Variants in DTWD2 observed in about 807,000 individuals in gnomAD.
DTWD2 encodes the protein DTW motif tRNA-uridine aminocarboxypropyltransferase 2.
A neutral mutation model predicts 31.8 loss-of-function variants in DTWD2; 39 were observed. That is an observed-to-expected ratio of 1.22 (90% CI 0.95 to 1.60). DTWD2 has a LOEUF of 1.60. Ranked by LOEUF, DTWD2 falls within the 40% of genes most tolerant of loss-of-function variation. The pLI is 0.00. For missense variants in DTWD2, 515 were observed against 381.5 expected, an observed-to-expected ratio of 1.35 and a Z score of -2.92; for synonymous variants, 180 against 142.8, an observed-to-expected ratio of 1.26 and a Z score of -1.86.
intron 1 of DTWD2, among the ~76,000 whole-genome samples, chr5:118,946,897 T>C (rs1754350731): frequency 6.6e-6 from 1 of 152,150 alleles, no homozygotes; most frequent in African/African-American, 2.4e-5. Flanking sequence ...CACATCACCA[T>C]GTCCAGCTAA....
chr5:118,843,146 G>C (rs1010769242), intron 5 of DTWD2, among the ~76,000 whole-genome samples: 2 of 151,674 alleles, frequency 1.3e-5, no homozygotes, highest in South Asian at 2.1e-4. Context: ...TAGTAGAGAC[G>C]GGGTTTCACC....
rs75581751 is a variant in DTWD2, at chr5:118,910,945, G to C, written c.597+17592C>G. 9.5e-3 allele frequency among the ~76,000 whole-genome samples: 1,444 copies of C among 152,224 alleles called. 9 individuals are homozygous for C. The highest frequency in any genetic ancestry group is 0.024 in the Middle Eastern group (7 of 294). ...TTATAAGGGCACTAATCCAATTCAT[G>C]AAGGCAGAGGTCTCATGACCTAACC... is the stretch of plus-strand genomic sequence containing the variant. On this transcript the variant is annotated intron_variant, in intron 4 of 5. Transcript: ENST00000510708.
chr5:118,912,927 C>T (rs1561452742), intron 4 of DTWD2, among the ~76,000 whole-genome samples: 1 of 152,106 alleles, frequency 6.6e-6, no homozygotes, highest in Non-Finnish European at 1.5e-5. Context: ...ACTAAACATA[C>T]CAAAGCTATC....
chr5:118,954,940 T>G (rs1349182352), intron 1 of DTWD2, among the ~76,000 whole-genome samples: 1 of 152,230 alleles, frequency 6.6e-6, no homozygotes, highest in Non-Finnish European at 1.5e-5. Flanking sequence ...TTCTCCTTTA[T>G]GCCCTCTCTG....
At chr5:118,899,255 T>G (rs1406706070) in intron 4 of DTWD2, among the ~76,000 whole-genome samples, 1 of 152,258 alleles carries the variant, frequency 6.6e-6, no homozygotes, top group East Asian at 1.9e-4. Flanking sequence ...TCAGATAAGC[T>G]TAATTCAGAC....
At chr5:118,857,844 G>C (rs1752174091) in intron 4 of DTWD2, among the ~76,000 whole-genome samples, 1 of 152,156 alleles carries the variant, frequency 6.6e-6, no homozygotes, top group Non-Finnish European at 1.5e-5. Flanking sequence ...GCAGAGAATA[G>C]GTAGCTCTAG....
intron 3 of DTWD2, among the ~76,000 whole-genome samples, chr5:118,929,555 C>T (rs1753879027): frequency 6.6e-6 from 1 of 151,804 alleles, no homozygotes; most frequent in African/African-American, 2.4e-5. Context: ...TCTGAATCTG[C>T]TGTGATTCTG....
At chr5:118,940,362 T>C (rs192690445) in intron 2 of DTWD2, among the ~76,000 whole-genome samples, 2 of 152,198 alleles carry the variant, frequency 1.3e-5, no homozygotes, top group Non-Finnish European at 2.9e-5. Flanking sequence ...TTAATCAGTT[T>C]CTAAACCTTT....
At chr5:118,952,048 C>T (rs541238796) in intron 1 of DTWD2, among the ~76,000 whole-genome samples, 4 of 152,086 alleles carry the variant, frequency 2.6e-5, no homozygotes, top group South Asian at 4.2e-4. Flanking sequence ...TGAAAGGTGG[C>T]GCAGAAATTG....
chr5:118,852,125 T>C (rs914667348), intron 4 of DTWD2, among the ~76,000 whole-genome samples: 7 of 152,196 alleles, frequency 4.6e-5, no homozygotes, highest in African/African-American at 1.2e-4. Flanking sequence ...CCTCCGTTTA[T>C]AGGCTCTCTG....
Position 118,955,470 on chromosome 5 carries a change from T to A in DTWD2, c.219-10821A>T, listed in dbSNP as rs939717690. ...TCATTCTAAAATCTCTCTAGAAGGT[T>A]TAAATATTTAAATTAATAATGGATT... On this transcript the variant is annotated intron_variant, in intron 1 of 5. Transcript: ENST00000510708. Among the ~76,000 whole-genome samples, 15 of 152,322 alleles carry A rather than the reference T, an allele frequency of 9.8e-5. No individual in the cohort carries two copies. In the East Asian group the frequency reaches 1.2e-3, roughly 12 times the overall value.
At position 118,840,866 on chromosome 5, in the gene DTWD2, T is replaced by G; in HGVS notation, c.*51A>C. ...GACCTTAACTATATGAAAACTTAAT[T>G]TGGTATTGTTAGATGAAGACAGTTA... On this transcript the variant is annotated 3_prime_UTR_variant, in exon 6 of 6. Transcript: ENST00000510708. 1 of 1,563,956 alleles carries G rather than the reference T, an allele frequency of 6.4e-7. No homozygotes were observed. Among genetic ancestry groups the G allele is most frequent in the Non-Finnish European group, 8.6e-7 (1 of 1,157,122 alleles).
At chr5:118,944,322 A>T (rs60526927) in intron 2 of DTWD2, among the ~76,000 whole-genome samples, 6,100 of 152,308 alleles carry the variant, frequency 0.04, 221 homozygotes, top group African/African-American at 0.091. Flanking sequence ...GGGAGTTTTA[A>T]ATTTCTATAC....
intron 4 of DTWD2, among the ~76,000 whole-genome samples, chr5:118,925,793 C>T (rs1279613670): frequency 6.6e-6 from 1 of 151,414 alleles, no homozygotes; most frequent in Admixed American, 6.6e-5. Flanking sequence ...GGCAGTGAGC[C>T]GAGATTGTGC....
chr5:118,895,400 T>C (rs1007766143), intron 4 of DTWD2, among the ~76,000 whole-genome samples: 3 of 152,138 alleles, frequency 2.0e-5, no homozygotes, highest in Non-Finnish European at 2.9e-5. Flanking sequence ...TGCTCATGGA[T>C]TGGAAGAATT....
rs1360278672 is a variant in DTWD2 at position 118,848,121 on chromosome 5, G to A, written c.695C>T (p.Ser232Phe). 1.9e-6 allele frequency: 3 copies of A among 1,579,430 alleles called. No homozygotes were observed. Among genetic ancestry groups the A allele is most frequent in the Non-Finnish European group, 2.6e-6 (3 of 1,165,776 alleles). The change falls in exon 5 of 6, where the codon TCC becomes TTC. Residue 232 changes from serine (S) to phenylalanine (F), a missense_variant. Transcript: ENST00000510708. The part of the protein sequence containing the change: ...STLECAAVAL[S>F]ILEKNNYIQE... ...TATGTAATTATTTTTCTCCAAGATG[G>A]AAAGAGCAACAGCTGCACACTCCAG...
intron 1 of DTWD2, among the ~76,000 whole-genome samples, chr5:118,975,871 C>G (rs149964075): frequency 1.3e-5 from 2 of 152,154 alleles, no homozygotes; most frequent in African/African-American, 2.4e-5. Context: ...AACTCTCCAC[C>G]CCAAATCAAC....
At chr5:118,976,606 C>A (rs1273978281) in intron 1 of DTWD2, among the ~76,000 whole-genome samples, 7 of 152,164 alleles carry the variant, frequency 4.6e-5, no homozygotes, top group Admixed American at 2.6e-4. Flanking sequence ...TGGATAAATT[C>A]CTGGACATAT....
chr5:118,951,561 G>A (rs192416531), intron 1 of DTWD2, among the ~76,000 whole-genome samples: 1 of 152,138 alleles, frequency 6.6e-6, no homozygotes, highest in Admixed American at 6.5e-5. Flanking sequence ...ACATTTTCTG[G>A]CTATTTGGAA....
Sources: gnomAD v4.1 joint callset for allele counts (sites outside exome capture counted in the v4.1 genomes callset) on GRCh38, gnomAD v4.1.1 for gene constraint, MANE v1.5 for transcripts, NCBI Gene and HGNC (gene_info 2026-07-23, HGNC 2026-07-21) for gene names.